Variants in HDAC1 observed in about 807,000 individuals in gnomAD.
HDAC1 encodes protein deacetylase HDAC1.
HDAC1 carries 18 observed loss-of-function variants against 65.5 expected under a neutral mutation model. The ratio of observed to expected loss-of-function variants is 0.27; its 90% CI spans 0.19 to 0.41. The LOEUF (loss-of-function observed/expected upper bound fraction) is 0.41. Among genes scored for constraint, HDAC1 ranks in the 10% least tolerant of loss-of-function variants. HDAC1 has a pLI of 1.00. For synonymous variants in HDAC1, 211 were observed against 227.9 expected, an observed-to-expected ratio of 0.93 and a Z score of 0.67; for missense variants, 373 against 625.2, an observed-to-expected ratio of 0.60 and a Z score of 4.30.
At chr1:32,301,500 T>A (rs1241102130) in intron 1 of HDAC1, among the ~76,000 whole-genome samples, 1 of 151,864 alleles carries the variant, frequency 6.6e-6, no homozygotes, top group Non-Finnish European at 1.5e-5. Context: ...CCAGGCGCGG[T>A]GGCTCACACC....
chr1:32,309,159 A>G (rs1640952653), intron 2 of HDAC1, among the ~76,000 whole-genome samples: 1 of 152,160 alleles, frequency 6.6e-6, no homozygotes, highest in Non-Finnish European at 1.5e-5. Flanking sequence ...CAGGTGCTAT[A>G]TGTCAGGCAC....
chr1:32,309,745 C>G (rs1421921952), intron 2 of HDAC1, among the ~76,000 whole-genome samples: 1 of 151,232 alleles, frequency 6.6e-6, no homozygotes, highest in African/African-American at 2.4e-5. Flanking sequence ...AGTGGCTATT[C>G]CTAGGTGAGA....
intron 2 of HDAC1, among the ~76,000 whole-genome samples, chr1:32,312,490 G>C (rs1361125763): frequency 6.6e-6 from 1 of 151,050 alleles, no homozygotes; most frequent in South Asian, 2.1e-4. Context: ...CTCCCGAGTA[G>C]CTGGGTTTAC....
At chr1:32,326,531 A>G (rs1057094441) in intron 4 of HDAC1, among the ~76,000 whole-genome samples, 9 of 152,246 alleles carry the variant, frequency 5.9e-5, no homozygotes, top group African/African-American at 2.2e-4. Context: ...TACACATGCA[A>G]TCCAGGATAC....
At position 32,300,564 on chromosome 1, in the gene HDAC1, T is replaced by TA. The variant is rs573816347; in HGVS notation, c.50-2046dup. On this transcript the variant is annotated intron_variant, in intron 1 of 13. Coordinates refer to ENST00000373548, the MANE Select transcript of HDAC1 (RefSeq NM_004964.3). ...CAGAGTGAGACTCCGTCTCAAGAAA[T>TA]AAAAAAAAAAAGAAAAGAAAACTAA... 5.1e-4 allele frequency among the ~76,000 whole-genome samples: 69 copies of TA among 136,208 alleles called. 1 individual carries two copies. Among genetic ancestry groups the TA allele is most frequent in the Admixed American group, 2.1e-3 (29 of 13,850 alleles). The allele number at this position is 136,208 out of a possible 152,430, so 89.4% of individuals were successfully genotyped here. A position where few individuals can be genotyped will look rare whatever the true frequency, so the allele number is the denominator to read the frequency against.
chr1:32,332,865 A>G, intron 13 of HDAC1, 116 bp downstream of exon 13: 1 of 1,187,352 alleles, frequency 8.4e-7, no homozygotes, highest in Non-Finnish European at 1.2e-6. Flanking sequence ...GGCCTCTTTC[A>G]GGGACCAGTC....
rs369035600 is a variant in HDAC1 at position 32,329,190 on chromosome 1, C to T, written c.729+30C>T. The T allele has an allele frequency of 4.0e-5, 53 of 1,341,448 alleles. 1 individual carries two copies. Among genetic ancestry groups the T allele is most frequent in the Non-Finnish European group, 5.5e-5 (51 of 930,970 alleles). The allele number at this position is 1,341,448 out of a possible 1,614,324, so 83.1% of individuals were successfully genotyped here. On this transcript the variant is annotated intron_variant, in intron 7 of 13. Coordinates refer to ENST00000373548, the MANE Select transcript of HDAC1 (RefSeq NM_004964.3). This position sits in a 1 kb window ranked among gnomAD's most constrained non-coding sequence, Gnocchi z 4.1. ...GTGGCTTTATCCACCCCTTGGGCTA[C>T]AAACAGGGGATTGGTTGGCGGTGGA...
Position 32,331,380 on chromosome 1 carries a change from A to C in HDAC1, c.980-94A>C, listed in dbSNP as rs1641289197. The C allele has an allele frequency of 4.1e-6, 3 of 737,370 alleles. No individual in the cohort carries two copies. Among genetic ancestry groups the C allele is most frequent in the Non-Finnish European group, 4.9e-6 (2 of 411,638 alleles). 45.7% of individuals were successfully genotyped at this position (737,370 alleles called of 1,614,324 possible). On this transcript the variant is annotated intron_variant, in intron 9 of 13. Coordinates refer to ENST00000373548, the MANE Select transcript of HDAC1 (RefSeq NM_004964.3). The surrounding 1 kb of genome is among the most constrained non-coding windows in gnomAD (Gnocchi z 4.2). ...CTCCTCTGTTTGGATAAATAGGCCCAGAGAAACCTACAAATGCTTTAGGGT... is the reference window on the plus strand; with the variant it reads ...CTCCTCTGTTTGGATAAATAGGCCCCGAGAAACCTACAAATGCTTTAGGGT...
At chr1:32,319,926 A>AC (rs1472805390) in intron 3 of HDAC1, among the ~76,000 whole-genome samples, 1 of 151,888 alleles carries the variant, frequency 6.6e-6, no homozygotes, top group African/African-American at 2.4e-5. Context: ...ATAAAAAAAA[A>AC]ACACACATGG....
chr1:32,319,655 G>A (rs1641112966), intron 3 of HDAC1, among the ~76,000 whole-genome samples: 1 of 152,008 alleles, frequency 6.6e-6, no homozygotes, highest in Non-Finnish European at 1.5e-5. Flanking sequence ...CCAGTGCTTT[G>A]AAGGGCAAGG....
At chr1:32,292,517 G>A in intron 1 of HDAC1, 1 of 834,686 alleles carries the variant, frequency 1.2e-6, no homozygotes, top group Non-Finnish European at 1.4e-6. Flanking sequence ...GTGCGTCGGA[G>A]CGGGGAGGCT....
At chr1:32,324,351 C>T (rs1641188063) in intron 3 of HDAC1, 128 bp from the exon 4 acceptor site, 1 of 687,500 alleles carries the variant, frequency 1.5e-6, no homozygotes, top group Non-Finnish European at 2.6e-6. Context: ...AGTCATACAG[C>T]CAGGAAGTAG....
chr1:32,321,087 C>T (rs1402529354), intron 3 of HDAC1, among the ~76,000 whole-genome samples: 7 of 150,956 alleles, frequency 4.6e-5, no homozygotes, highest in East Asian at 2.0e-4. Flanking sequence ...AAAAATTAGC[C>T]GGGTGTGGTG....
chr1:32,302,223 T>TA lies in HDAC1; in HGVS notation c.50-397dup, dbSNP rs1640858257. Among the ~76,000 whole-genome samples, 3 of 152,226 alleles carry TA rather than the reference T, an allele frequency of 2.0e-5. No homozygotes were observed. In the South Asian group the frequency reaches 6.2e-4, roughly 31 times the overall value. On this transcript the variant is annotated intron_variant, in intron 1 of 13. Transcript: ENST00000373548. Reference sequence around the variant, plus strand: ...GAATGTGCTTTGACACCATAAGTGTTACAATATGTAGGAGGTGAATTGTGG... The same window carrying TA: ...GAATGTGCTTTGACACCATAAGTGTTAACAATATGTAGGAGGTGAATTGTGG...
In HDAC1 at chr1:32,327,183, T is replaced by A; in HGVS notation, c.494+106T>A. The A allele has an allele frequency of 8.8e-7, 1 of 1,141,188 alleles. No homozygotes were observed. Among genetic ancestry groups the A allele is most frequent in the Non-Finnish European group, 1.3e-6 (1 of 781,490 alleles). 70.7% of individuals were successfully genotyped at this position (1,141,188 alleles called of 1,614,324 possible). Reference sequence around the variant, plus strand: ...TAGTTTGCTTTTCCTACCGATGTGCTGGCTAGGATGTGCTCGGTGAGTGTC... The same window carrying A: ...TAGTTTGCTTTTCCTACCGATGTGCAGGCTAGGATGTGCTCGGTGAGTGTC... On this transcript the variant is annotated intron_variant, in intron 5 of 13. Coordinates refer to ENST00000373548, the MANE Select transcript of HDAC1 (RefSeq NM_004964.3). This position sits in a 1 kb window ranked among gnomAD's most constrained non-coding sequence, Gnocchi z 6.0.
intron 3 of HDAC1, among the ~76,000 whole-genome samples, chr1:32,320,613 A>G (rs1641126799): frequency 6.6e-6 from 1 of 151,962 alleles, no homozygotes; most frequent in Non-Finnish European, 1.5e-5. Context: ...TATTTTAGAT[A>G]CACAGGCCAG....
chr1:32,328,601 G>A (rs545116146), intron 6 of HDAC1, among the ~76,000 whole-genome samples: 6 of 152,272 alleles, frequency 3.9e-5, no homozygotes, highest in South Asian at 2.1e-4. Flanking sequence ...TTAAATAGGC[G>A]CACTCACTAT....
intron 1 of HDAC1, among the ~76,000 whole-genome samples, chr1:32,300,785 TG>T (rs1209072557): frequency 1.3e-5 from 2 of 152,186 alleles, no homozygotes; most frequent in East Asian, 3.8e-4. Flanking sequence ...GATCATAATC[TG>T]GTGTGTCTGG....
chr1:32,312,822 C>T (rs1264429907), intron 2 of HDAC1, among the ~76,000 whole-genome samples: 1 of 152,036 alleles, frequency 6.6e-6, no homozygotes, highest in Non-Finnish European at 1.5e-5. Context: ...ATTACAGGAG[C>T]CTGCCACCAC....
Sources: gnomAD v4.1 joint callset for allele counts (sites outside exome capture counted in the v4.1 genomes callset) on GRCh38, gnomAD v4.1.1 for gene constraint, Gnocchi (gnomAD v3.1) non-coding constraint, MANE v1.5 for transcripts, NCBI Gene and HGNC (gene_info 2026-07-23, HGNC 2026-07-21) for gene names.